Variants in CFAP299 observed in about 807,000 individuals in gnomAD.
CFAP299 encodes cilia- and flagella-associated protein 299.
Under a neutral mutation model 27.0 loss-of-function variants are expected in CFAP299, and 21 were observed. The observed-to-expected ratio is 0.78, with a 90% CI of 0.55 to 1.12. CFAP299 has a LOEUF of 1.12. Among genes scored for constraint, CFAP299 ranks in the 50% most tolerant of loss-of-function variants. CFAP299 has a pLI of 0.00. For synonymous variants in CFAP299, 104 were observed against 98.1 expected (o/e 1.06, Z -0.36); for missense variants, 310 against 276.6 (o/e 1.12, Z -0.86).
chr4:80,686,584 C>G (rs1021894604), intron 3 of CFAP299, among the ~76,000 whole-genome samples: 4 of 152,148 alleles, frequency 2.6e-5, no homozygotes, highest in African/African-American at 9.7e-5. Flanking sequence ...GCTTTTACCG[C>G]TGTTAATCAA....
At chr4:80,900,092 C>T (rs770453367) in intron 4 of CFAP299, among the ~76,000 whole-genome samples, 1 of 144,610 alleles carries the variant, frequency 6.9e-6, no homozygotes, top group Non-Finnish European at 1.5e-5. Context: ...AAAAGTTTGA[C>T]AAGAAAATAA....
At chr4:80,511,499 T>C (rs1732301373) in intron 2 of CFAP299, among the ~76,000 whole-genome samples, 1 of 152,172 alleles carries the variant, frequency 6.6e-6, no homozygotes, top group African/African-American at 2.4e-5. Flanking sequence ...AACTATGACA[T>C]ATTGAAGTAT....
intron 2 of CFAP299, among the ~76,000 whole-genome samples, chr4:80,422,750 T>C (rs960854330): frequency 2.6e-5 from 4 of 152,212 alleles, no homozygotes; most frequent in Non-Finnish European, 5.9e-5. Context: ...GCACTGGGGA[T>C]GAGGCAGCTT....
chr4:80,471,900 T>A (rs2110116820), intron 2 of CFAP299, among the ~76,000 whole-genome samples: 2 of 152,314 alleles, frequency 1.3e-5, no homozygotes, highest in African/African-American at 4.8e-5. Flanking sequence ...CCCGCGGCCA[T>A]CCTTCACTCG....
intron 2 of CFAP299, among the ~76,000 whole-genome samples, chr4:80,518,172 G>C (rs747495033): frequency 1.3e-5 from 2 of 152,084 alleles, no homozygotes; most frequent in Admixed American, 6.6e-5. Context: ...TATGGACTTT[G>C]AAGACATACA....
At chr4:80,421,276 CT>C (rs1213224805) in intron 2 of CFAP299, among the ~76,000 whole-genome samples, 4 of 152,096 alleles carry the variant, frequency 2.6e-5, no homozygotes, top group Non-Finnish European at 4.4e-5. Context: ...TTACAGTCTC[CT>C]TGAAGACACA....
chr4:80,888,345 T>C (rs942882697), intron 4 of CFAP299, among the ~76,000 whole-genome samples: 1 of 152,104 alleles, frequency 6.6e-6, no homozygotes, highest in Non-Finnish European at 1.5e-5. Flanking sequence ...GTTATACTTA[T>C]GTTGAACAAA....
At chr4:80,914,694 G>T (rs1735660422) in intron 4 of CFAP299, among the ~76,000 whole-genome samples, 1 of 152,160 alleles carries the variant, frequency 6.6e-6, no homozygotes, top group Admixed American at 6.5e-5. Flanking sequence ...TATTTCCTCA[G>T]TGGAGCTTTG....
At chr4:80,473,796 T>C (rs1421011287) in intron 2 of CFAP299, among the ~76,000 whole-genome samples, 6 of 152,112 alleles carry the variant, frequency 3.9e-5, no homozygotes, top group Non-Finnish European at 4.4e-5. Flanking sequence ...CTCACTGTGT[T>C]TTCTAGGCTG....
intron 3 of CFAP299, among the ~76,000 whole-genome samples, chr4:80,698,965 C>A (rs1028351093): frequency 2.0e-5 from 3 of 152,152 alleles, no homozygotes; most frequent in Non-Finnish European, 2.9e-5. Flanking sequence ...GTGGACACAG[C>A]AAAACCATAT....
chr4:80,413,982 A>G (rs1021314152), intron 2 of CFAP299, among the ~76,000 whole-genome samples: 4 of 151,858 alleles, frequency 2.6e-5, no homozygotes, highest in African/African-American at 9.7e-5. Context: ...CTTTATAAGC[A>G]TGAATATCAT....
At chr4:80,844,866 T>C (rs1731082128) in intron 3 of CFAP299, among the ~76,000 whole-genome samples, 1 of 152,234 alleles carries the variant, frequency 6.6e-6, no homozygotes, top group South Asian at 2.1e-4. Flanking sequence ...TAGGTTTTCT[T>C]CCAGAGTTTT....
intron 4 of CFAP299, among the ~76,000 whole-genome samples, chr4:80,943,403 T>C (rs1049906078): frequency 6.6e-6 from 1 of 152,094 alleles, no homozygotes; most frequent in African/African-American, 2.4e-5. Flanking sequence ...GAAAACAATA[T>C]AATTCAGTAA....
At chr4:80,397,392 T>C (rs1175904813) in intron 2 of CFAP299, among the ~76,000 whole-genome samples, 1 of 152,206 alleles carries the variant, frequency 6.6e-6, no homozygotes, top group Non-Finnish European at 1.5e-5. Context: ...TCAGTTCTGC[T>C]CTGATCTTAG....
At chr4:80,693,865 A>T (rs1446270772) in intron 3 of CFAP299, among the ~76,000 whole-genome samples, 1 of 152,030 alleles carries the variant, frequency 6.6e-6, no homozygotes, top group Non-Finnish European at 1.5e-5. Flanking sequence ...ACAGAGCATT[A>T]GCTTCCATCA....
intron 2 of CFAP299, among the ~76,000 whole-genome samples, chr4:80,468,600 T>C (rs1289516069): frequency 2.0e-5 from 3 of 151,772 alleles, no homozygotes; most frequent in African/African-American, 7.3e-5. Flanking sequence ...TTTAGGAGGC[T>C]GAGGTGGGTG....
chr4:80,426,082 C>G (rs1417504109), intron 2 of CFAP299, among the ~76,000 whole-genome samples: 1 of 151,032 alleles, frequency 6.6e-6, no homozygotes, highest in Non-Finnish European at 1.5e-5. Context: ...TAAAATTGAC[C>G]ACCAAAGACA....
intron 3 of CFAP299, among the ~76,000 whole-genome samples, chr4:80,687,805 C>G (rs1720310564): frequency 6.6e-6 from 1 of 152,162 alleles, no homozygotes; most frequent in Non-Finnish European, 1.5e-5. Flanking sequence ...GAGTGTCAGA[C>G]AGTGGGCGCA....
chr4:80,779,082 A>T lies in CFAP299; in HGVS notation c.334-90911A>T, dbSNP rs188624111. On this transcript the variant is annotated intron_variant, in intron 3 of 5. Coordinates refer to ENST00000358105, the MANE Select transcript of CFAP299 (RefSeq NM_152770.3). Reference sequence around the variant, plus strand: ...CACTCAGAACAAGCTTAGAAGGCAGACACCATTATCTCCATTTTATAGATA... The same window carrying T: ...CACTCAGAACAAGCTTAGAAGGCAGTCACCATTATCTCCATTTTATAGATA... 4.6e-5 allele frequency among the ~76,000 whole-genome samples: 7 copies of T among 152,232 alleles called. No individual in the cohort carries two copies. In the East Asian group the frequency reaches 1.2e-3, roughly 25 times the overall value.
Sources: gnomAD v4.1 joint callset for allele counts (sites outside exome capture counted in the v4.1 genomes callset) on GRCh38, gnomAD v4.1.1 for gene constraint, MANE v1.5 for transcripts, NCBI Gene and HGNC (gene_info 2026-07-23, HGNC 2026-07-21) for gene names.